Variants in CAV2 observed in about 807,000 individuals in gnomAD.
CAV2 encodes the protein caveolin 2, also known as caveolin-2.
Under a neutral mutation model 15.5 loss-of-function variants are expected in CAV2, and 7 were observed. The ratio of observed to expected loss-of-function variants is 0.45; its 90% CI spans 0.26 to 0.85. CAV2 has a LOEUF of 0.85. CAV2 is among the 40% of genes least tolerant of loss of function. The pLI is 0.18. For synonymous variants in CAV2, 76 were observed against 83.1 expected, an observed-to-expected ratio of 0.91 and a Z score of 0.46; for missense variants, 229 against 208.8, an observed-to-expected ratio of 1.10 and a Z score of -0.60.
At chr7:116,505,826 C>T in intron 2 of CAV2, 145 bp from the exon 3 acceptor site, 3 of 587,168 alleles carry the variant, frequency 5.1e-6, no homozygotes, top group Non-Finnish European at 8.9e-6. Context: ...AAATCATTAT[C>T]AGTGATCATT....
intron 2 of CAV2, among the ~76,000 whole-genome samples, chr7:116,504,193 G>C (rs1584756419): frequency 7.4e-6 from 1 of 135,040 alleles, no homozygotes. Flanking sequence ...CTTCAAAATA[G>C]GTCTATTTAT....
chr7:116,500,221 T>A, intron 1 of CAV2, 39 bp from the exon 2 acceptor site: 1 of 1,593,272 alleles, frequency 6.3e-7, no homozygotes, highest in Non-Finnish European at 8.5e-7. Context: ...GGCGTCAGGT[T>A]GGCTGACAGT....
intron 2 of CAV2, chr7:116,501,234 A>AT (rs997316315): frequency 6.6e-6 from 1 of 152,200 alleles, no homozygotes; most frequent in African/African-American, 2.4e-5. Flanking sequence ...CATCTTTTAA[A>AT]TTTTTTATGG....
At position 116,506,149 on chromosome 7, in the gene CAV2, G is replaced by A. The variant is rs1284047796; in HGVS notation, c.*28G>A. 2.5e-6 allele frequency: 4 copies of A among 1,611,034 alleles called. No individual in the cohort carries two copies. Among genetic ancestry groups the A allele is most frequent in the Non-Finnish European group, 3.4e-6 (4 of 1,177,562 alleles). ...ACTTGGACCCCAGGTCTGGAGATTG[G>A]GATACTGTAATACTTCTTTGTTATT... On this transcript the variant is annotated 3_prime_UTR_variant, in exon 3 of 3. Coordinates refer to ENST00000222693, the MANE Select transcript of CAV2 (RefSeq NM_001233.5).
In CAV2 at chr7:116,507,151, TGTTACTTCTGATACTTTAGTACAATTTCA is replaced by T. The variant is rs1180228334; in HGVS notation, c.*1031_*1059del. 6.6e-6 allele frequency: 1 copy of T among 152,660 alleles called. No homozygotes were observed. The highest frequency in any genetic ancestry group is 1.5e-5 in the Non-Finnish European group (1 of 68,040). The allele number at this position is 152,660 out of a possible 1,614,324, so 9.5% of individuals were successfully genotyped here. On this transcript the variant is annotated 3_prime_UTR_variant, in exon 3 of 3. Transcript: ENST00000222693. ...GTGCTATTTAACATTTTACAGTAAA[TGTTACTTCTGATACTTTAGTACAATTTCA>T]ACTACAGTGATTCATGTAGAGAGAC... is the stretch of plus-strand genomic sequence containing the variant.
At chr7:116,500,596 GA>G in intron 2 of CAV2, 149 bp downstream of exon 2, 3 of 669,186 alleles carry the variant, frequency 4.5e-6, no homozygotes, top group Non-Finnish European at 7.6e-6. Context: ...GGAAGGCCTT[GA>G]AAGGCAATGC....
At chr7:116,504,226 A>G (rs527875721) in intron 2 of CAV2, among the ~76,000 whole-genome samples, 1 of 152,166 alleles carries the variant, frequency 6.6e-6, no homozygotes. Context: ...TGACAGCATC[A>G]TACAGGCATT....
intron 2 of CAV2, chr7:116,501,316 T>A (rs1793099389): frequency 1.3e-5 from 2 of 152,228 alleles, no homozygotes; most frequent in South Asian, 4.1e-4. Context: ...GGAAGAATAT[T>A]CAGATCATCC....
Position 116,500,297 on chromosome 7 carries a change from C to A in CAV2, c.188C>A (p.Thr63Lys), listed in dbSNP as rs1355914850. 1.1e-5 allele frequency: 18 copies of A among 1,614,196 alleles called. No homozygotes were observed. The highest frequency in any genetic ancestry group is 1.4e-5 in the Non-Finnish European group (17 of 1,180,016). ...FEDVIAEPVT[T>K]HSFDKVWICS... ...GATGTGATCGCAGAGCCGGTGACTACGCACTCCTTTGACAAAGTGTGGATC... is the reference window on the plus strand; with the variant it reads ...GATGTGATCGCAGAGCCGGTGACTAAGCACTCCTTTGACAAAGTGTGGATC... The change falls in exon 2 of 3, where the codon ACG becomes AAG. Residue 63 changes from threonine (T) to lysine (K), a missense_variant. Coordinates refer to ENST00000222693, the MANE Select transcript of CAV2 (RefSeq NM_001233.5).
In CAV2 at chr7:116,501,718, G is replaced by A. The variant is rs140238449; in HGVS notation, c.338+1271G>A. On this transcript the variant is annotated intron_variant, in intron 2 of 2. Transcript: ENST00000222693. ...AAGAGGGAGGAACAGACAAGGCTTT[G>A]AAGAGTGAAAGGAGTCGAAAAAGAC... Among the ~76,000 whole-genome samples the A allele has an allele frequency of 3.4e-3, 525 of 152,294 alleles. 2 individuals carry two copies. Among genetic ancestry groups the A allele is most frequent in the Non-Finnish European group, 3.6e-3 (242 of 68,026 alleles).
At chr7:116,505,155 G>A (rs1490550854) in intron 2 of CAV2, among the ~76,000 whole-genome samples, 1 of 152,142 alleles carries the variant, frequency 6.6e-6, no homozygotes, top group African/African-American at 2.4e-5. Flanking sequence ...GGGAATATCC[G>A]ATCTAGCCTG....
chr7:116,503,098 T>C (rs1425993174), intron 2 of CAV2, among the ~76,000 whole-genome samples: 1 of 151,540 alleles, frequency 6.6e-6, no homozygotes, highest in African/African-American at 2.4e-5. Flanking sequence ...AAAGTCTCTA[T>C]CCTATGGCCT....
At position 116,500,381 on chromosome 7, in the gene CAV2, T is replaced by C. The variant is rs753372066; in HGVS notation, c.272T>C (p.Phe91Ser). ...KYVMYKFLTV[F>S]LAIPLAFIAG... ...GTAATGTACAAGTTCCTGACGGTGT[T>C]CCTGGCCATTCCCCTGGCCTTCATT... The change falls in exon 2 of 3, where the codon TTC becomes TCC. Residue 91 changes from phenylalanine (F) to serine (S), a missense_variant. Coordinates refer to ENST00000222693, the MANE Select transcript of CAV2 (RefSeq NM_001233.5). 1.9e-6 allele frequency: 3 copies of C among 1,614,226 alleles called. No homozygotes were observed. The highest frequency in any genetic ancestry group is 2.5e-6 in the Non-Finnish European group (3 of 1,180,034).
At chr7:116,503,936 A>T in intron 2 of CAV2, among the ~76,000 whole-genome samples, 1 of 79,998 alleles carries the variant, frequency 1.3e-5, no homozygotes, top group Non-Finnish European at 2.4e-5. Flanking sequence ...GGAGGGAGGG[A>T]GGGAGGGAGG....
At chr7:116,504,706 T>C (rs1320301481) in intron 2 of CAV2, among the ~76,000 whole-genome samples, 1 of 152,200 alleles carries the variant, frequency 6.6e-6, no homozygotes, top group African/African-American at 2.4e-5. Context: ...ACTACTTTTG[T>C]GCTCAGAGGA....
At position 116,507,150 on chromosome 7, in the gene CAV2, A is replaced by G. The variant is rs1048977974; in HGVS notation, c.*1029A>G. On this transcript the variant is annotated 3_prime_UTR_variant, in exon 3 of 3. Transcript: ENST00000222693. ...GGTGCTATTTAACATTTTACAGTAA[A>G]TGTTACTTCTGATACTTTAGTACAA... 1 of 152,636 alleles carries G rather than the reference A, an allele frequency of 6.6e-6. No individual in the cohort carries two copies. The highest frequency in any genetic ancestry group is 6.5e-5 in the Admixed American group (1 of 15,282). 9.5% of individuals were successfully genotyped at this position (152,636 alleles called of 1,614,324 possible).
chr7:116,500,820 T>C (rs1793087571), intron 2 of CAV2: 1 of 193,954 alleles, frequency 5.2e-6, no homozygotes, highest in African/African-American at 2.3e-5. Context: ...TTTCATTGCC[T>C]TTTATTCAGT....
At chr7:116,502,776 G>A (rs1793134610) in intron 2 of CAV2, among the ~76,000 whole-genome samples, 1 of 152,142 alleles carries the variant, frequency 6.6e-6, no homozygotes, top group Non-Finnish European at 1.5e-5. Flanking sequence ...AAACACAGAA[G>A]TCTGGTGGTG....
rs1267836181 is a variant in CAV2, at chr7:116,507,380, CATT to C, written c.*1263_*1265del. Reference sequence around the variant, plus strand: ...GAATCACTGTTGCTTTGAAAAATCTCATTATTTCTGGGCCGGGCATGGTGGCTC... The same window carrying C: ...GAATCACTGTTGCTTTGAAAAATCTCATTTCTGGGCCGGGCATGGTGGCTC... On this transcript the variant is annotated 3_prime_UTR_variant, in exon 3 of 3. Transcript: ENST00000222693. The C allele has an allele frequency of 6.6e-6, 1 of 152,220 alleles. No homozygotes were observed. Among genetic ancestry groups the C allele is most frequent in the Non-Finnish European group, 1.5e-5 (1 of 68,106 alleles). The allele number at this position is 152,220 out of a possible 1,614,324, so 9.4% of individuals were successfully genotyped here. A position where few individuals can be genotyped will look rare whatever the true frequency, so the allele number is the denominator to read the frequency against.
Sources: allele counts gnomAD v4.1 joint callset (sites outside exome capture counted in the v4.1 genomes callset), GRCh38; gene constraint gnomAD v4.1.1; transcripts MANE v1.5; gene names NCBI Gene and HGNC (gene_info 2026-07-23, HGNC 2026-07-21).